Variants in DNAJB6 observed in about 807,000 individuals in gnomAD.
DNAJB6 encodes dnaJ homolog subfamily B member 6.
A neutral mutation model predicts 42.7 loss-of-function variants in DNAJB6; 16 were observed. The ratio of observed to expected loss-of-function variants is 0.37; its 90% CI spans 0.25 to 0.57. The LOEUF (loss-of-function observed/expected upper bound fraction) is 0.57. Among genes scored for constraint, DNAJB6 ranks in the 20% least tolerant of loss-of-function variants. The pLI, the probability that DNAJB6 is intolerant of heterozygous loss-of-function variation, is 0.74. For missense variants in DNAJB6, 347 were observed against 416.8 expected (o/e 0.83, Z 1.46); for synonymous variants, 170 against 163.5 (o/e 1.04, Z -0.30).
At chr7:157,410,479 CGTAGTCTGCCCGCCCACCCCCCGTGGG>C in intron 9 of DNAJB6, 1 of 198,832 alleles carries the variant, frequency 5.0e-6, no homozygotes, top group Non-Finnish European at 1.0e-5. Flanking sequence ...CCTTGTGAAG[CGTAGTCTGCCCGCCCACCCCCCGTGGG>C]GTTCTTGGCC....
chr7:157,341,669 T>A (rs1470554123), intron 1 of DNAJB6, among the ~76,000 whole-genome samples: 1 of 152,228 alleles, frequency 6.6e-6, no homozygotes, highest in East Asian at 1.9e-4. Context: ...CATGTACCAC[T>A]TGGGTGGGCT....
At chr7:157,390,413 C>CA (rs1563142209) in intron 8 of DNAJB6, among the ~76,000 whole-genome samples, 1 of 152,226 alleles carries the variant, frequency 6.6e-6, no homozygotes, top group Admixed American at 6.5e-5. Flanking sequence ...CTCTCTTAAA[C>CA]AGGGCAGCGC....
At chr7:157,381,058 C>T (rs941670503) in intron 5 of DNAJB6, 1 of 151,990 alleles carries the variant, frequency 6.6e-6, no homozygotes, top group Non-Finnish European at 1.5e-5. Context: ...ATTCAAACTC[C>T]TGAGCTCAAG....
chr7:157,384,523 A>G (rs138309838), intron 6 of DNAJB6, among the ~76,000 whole-genome samples: 5 of 152,330 alleles, frequency 3.3e-5, no homozygotes, highest in African/African-American at 9.6e-5. Flanking sequence ...TCACATTAAC[A>G]CAACACGTGC....
rs878866706 is a variant in DNAJB6 at position 157,366,430 on chromosome 7, G to A, written c.176-72G>A. 13 of 1,354,576 alleles carry A rather than the reference G, an allele frequency of 9.6e-6. No individual in the cohort carries two copies. The South Asian group carries it at 1.3e-4, about 14-fold the overall frequency. The allele number at this position is 1,354,576 out of a possible 1,614,324, so 83.9% of individuals were successfully genotyped here. A position where few individuals can be genotyped will look rare whatever the true frequency, so the allele number is the denominator to read the frequency against. The stretch of plus-strand genomic sequence containing the variant: ...ACATCGAAAACTGATTTACAACTGG[G>A]GAAATACCTTATCTATTGAATTAAG... On this transcript the variant is annotated intron_variant, in intron 3 of 9. Coordinates refer to ENST00000262177, the MANE Select transcript of DNAJB6 (RefSeq NM_058246.4).
intron 8 of DNAJB6, among the ~76,000 whole-genome samples, chr7:157,407,701 C>T (rs1469006081): frequency 2.0e-5 from 3 of 152,194 alleles, no homozygotes; most frequent in African/African-American, 4.8e-5. Context: ...AGATGCTTCT[C>T]GACGACACGG....
chr7:157,369,641 C>T (rs1430236110), intron 5 of DNAJB6, among the ~76,000 whole-genome samples: 1 of 150,900 alleles, frequency 6.6e-6, no homozygotes, highest in African/African-American at 2.5e-5. Flanking sequence ...GAGGCCCTTT[C>T]TTCACATTAT....
chr7:157,371,409 G>A (rs1800204686), intron 5 of DNAJB6, among the ~76,000 whole-genome samples: 2 of 152,252 alleles, frequency 1.3e-5, no homozygotes, highest in Admixed American at 1.3e-4. Context: ...AAGGGGTGCC[G>A]GATGTTGGAC....
intron 1 of DNAJB6, among the ~76,000 whole-genome samples, chr7:157,343,399 C>G (rs1250320765): frequency 1.3e-5 from 2 of 152,064 alleles, no homozygotes; most frequent in Non-Finnish European, 2.9e-5. Flanking sequence ...AGGTGATCTG[C>G]GTGCCTCGGC....
intron 1 of DNAJB6, among the ~76,000 whole-genome samples, chr7:157,354,122 T>C (rs1167640625): frequency 1.3e-5 from 2 of 152,208 alleles, no homozygotes; most frequent in South Asian, 4.1e-4. Flanking sequence ...GTGATAATAA[T>C]CTACACATTT....
rs541259018 is a variant in DNAJB6, at chr7:157,416,188, C to T, written c.*90C>T. 2.1e-5 allele frequency: 33 copies of T among 1,545,268 alleles called. No homozygotes were observed. Among genetic ancestry groups the T allele is most frequent in the Non-Finnish European group, 2.5e-5 (29 of 1,142,096 alleles). On this transcript the variant is annotated 3_prime_UTR_variant, in exon 10 of 10. Transcript: ENST00000262177. ...GTGCACACGCGCTAGGTAGCAGCGTCGGTCAGGACTGTCTCGAGGCCACAC... is the reference window on the plus strand; with the variant it reads ...GTGCACACGCGCTAGGTAGCAGCGTTGGTCAGGACTGTCTCGAGGCCACAC...
At chr7:157,402,616 T>A (rs4716473) in intron 8 of DNAJB6, among the ~76,000 whole-genome samples, 8 of 152,234 alleles carry the variant, frequency 5.3e-5, no homozygotes, top group Middle Eastern at 6.8e-3. Context: ...GGGAGCCGGG[T>A]CCCAGGGGAG....
chr7:157,366,709 G>T, intron 4 of DNAJB6, 148 bp downstream of exon 4: 1 of 681,762 alleles, frequency 1.5e-6, no homozygotes, highest in Non-Finnish European at 2.5e-6. Context: ...AGAGGACAGA[G>T]AAATTGATGG....
intron 5 of DNAJB6, among the ~76,000 whole-genome samples, chr7:157,376,949 G>T (rs1800507418): frequency 6.6e-6 from 1 of 152,140 alleles, no homozygotes; most frequent in East Asian, 1.9e-4. Flanking sequence ...AAAGCAGGGG[G>T]GCTTCCAGAC....
intron 9 of DNAJB6, chr7:157,410,273 C>T: frequency 2.9e-6 from 2 of 684,804 alleles, no homozygotes; most frequent in Non-Finnish European, 4.3e-6. Flanking sequence ...AGAGCTGCCA[C>T]GGCAGTGCGA....
intron 8 of DNAJB6, among the ~76,000 whole-genome samples, chr7:157,391,069 C>T (rs563259415): frequency 1.3e-5 from 2 of 152,246 alleles, no homozygotes; most frequent in East Asian, 1.9e-4. Context: ...CTCTTGGGCT[C>T]GAGCGCATCA....
In DNAJB6 at chr7:157,371,176, C is replaced by T. The variant is rs189510886; in HGVS notation, c.346+3693C>T. 3.2e-4 allele frequency among the ~76,000 whole-genome samples: 48 copies of T among 152,340 alleles called. 1 individual carries two copies. The highest frequency in any genetic ancestry group is 1.1e-3 in the African/African-American group (47 of 41,576). On this transcript the variant is annotated intron_variant, in intron 5 of 9. Transcript: ENST00000262177. ...CATCCCCCTACCCCAACCCATCACC[C>T]ACTGTGTGGAAGAATTGTCTTCCAT...
chr7:157,357,240 T>G (rs1209258248), intron 1 of DNAJB6, among the ~76,000 whole-genome samples: 4 of 80,822 alleles, frequency 4.9e-5, no homozygotes, highest in Non-Finnish European at 1.1e-4. Flanking sequence ...CCTTCCTTCC[T>G]TCCTTCCTTC....
At chr7:157,372,132 A>G (rs1288494934) in intron 5 of DNAJB6, 2 of 152,680 alleles carry the variant, frequency 1.3e-5, no homozygotes, top group Non-Finnish European at 2.9e-5. Flanking sequence ...GTAGTCAGTC[A>G]TTTTACTCTC....
Sources: allele counts gnomAD v4.1 joint callset (sites outside exome capture counted in the v4.1 genomes callset), GRCh38; gene constraint gnomAD v4.1.1; transcripts MANE v1.5; gene names NCBI Gene and HGNC (gene_info 2026-07-23, HGNC 2026-07-21).